Variants in SYNE1 observed in about 807,000 individuals in gnomAD.
SYNE1 encodes nesprin-1.
In SYNE1, 616 loss-of-function variants were observed where a neutral mutation model predicts 1,111.0. The ratio of observed to expected loss-of-function variants is 0.55; its 90% CI spans 0.52 to 0.59. The LOEUF (loss-of-function observed/expected upper bound fraction) is 0.59. Among genes scored for constraint, SYNE1 ranks in the 20% least tolerant of loss-of-function variants. The pLI is 0.00. For synonymous variants in SYNE1, 3,855 were observed against 3,825.8 expected (o/e 1.01, Z -0.28); for missense variants, 10,006 against 10,417.0 (o/e 0.96, Z 1.72).
chr6:152,325,557 A>G (rs2096043062), intron 80 of SYNE1, among the ~76,000 whole-genome samples: 1 of 152,152 alleles, frequency 6.6e-6, no homozygotes. Flanking sequence ...TTGAGATGAC[A>G]TTTTTTTCAT....
At chr6:152,465,121 G>T in intron 18 of SYNE1, 137 bp downstream of exon 18, 1 of 928,572 alleles carries the variant, frequency 1.1e-6, no homozygotes. Flanking sequence ...TAACCTGAAA[G>T]TGCAACTTTT....
chr6:152,585,664 A>C (rs2099535640), intron 3 of SYNE1, among the ~76,000 whole-genome samples: 1 of 152,156 alleles, frequency 6.6e-6, no homozygotes, highest in South Asian at 2.1e-4. Context: ...TGAAATGTAC[A>C]AATCAGTTTC....
chr6:152,626,306 T>C (rs2099685613), intron 3 of SYNE1, among the ~76,000 whole-genome samples: 1 of 152,188 alleles, frequency 6.6e-6, no homozygotes, highest in Non-Finnish European at 1.5e-5. Flanking sequence ...CCAGAGAATG[T>C]TCACATCTAA....
Position 152,369,402 on chromosome 6 carries a change from A to G in SYNE1, c.9651+69T>C. 3.1e-6 allele frequency: 5 copies of G among 1,608,116 alleles called. No individual in the cohort carries two copies. In the South Asian group the frequency reaches 5.5e-5, roughly 18 times the overall value. ...TCTAACTCAAGGGTGCTGAGCATGC[A>G]TCTGTAAGGTCGACAGAGGACGGAC... On this transcript the variant is annotated intron_variant, in intron 60 of 145. Coordinates refer to ENST00000367255, the MANE Select transcript of SYNE1 (RefSeq NM_182961.4).
chr6:152,466,318 A>G (rs906859905), intron 16 of SYNE1, among the ~76,000 whole-genome samples: 1 of 152,212 alleles, frequency 6.6e-6, no homozygotes, highest in Non-Finnish European at 1.5e-5. Flanking sequence ...CTATTTCTTC[A>G]CCAACCAAGG....
Position 152,350,784 on chromosome 6 carries a change from GA to G in SYNE1, c.11581-15del, listed in dbSNP as rs5880967. The G allele has an allele frequency of 2.5e-6, 4 of 1,574,284 alleles. No individual in the cohort carries two copies. Among genetic ancestry groups the G allele is most frequent in the Non-Finnish European group, 2.6e-6 (3 of 1,150,034 alleles). On this transcript the variant is annotated splice_polypyrimidine_tract_variant and intron_variant, in intron 70 of 145. Coordinates refer to ENST00000367255, the MANE Select transcript of SYNE1 (RefSeq NM_182961.4). ...TTGTTGAAGTGACTTGAATTACAAA[GA>G]AAAAAAAATGAGCCTGCTCATCTCC... is the stretch of plus-strand genomic sequence containing the variant.
intron 9 of SYNE1, among the ~76,000 whole-genome samples, chr6:152,503,362 A>T (rs1460678557): frequency 6.6e-6 from 1 of 151,978 alleles, no homozygotes; most frequent in Non-Finnish European, 1.5e-5. Context: ...TTCGAGGGAA[A>T]CTCTTCGAGG....
chr6:152,160,975 G>A (rs2062366192), intron 131 of SYNE1, among the ~76,000 whole-genome samples: 1 of 151,622 alleles, frequency 6.6e-6, no homozygotes, highest in Admixed American at 6.6e-5. Flanking sequence ...TGTGTAATGT[G>A]TGTACACATA....
At chr6:152,564,655 A>G (rs1266478749) in intron 3 of SYNE1, among the ~76,000 whole-genome samples, 1 of 152,072 alleles carries the variant, frequency 6.6e-6, no homozygotes, top group Non-Finnish European at 1.5e-5. Flanking sequence ...TTAACCCCCA[A>G]AAGTTTGCTT....
At chr6:152,257,111 C>T (rs748108618) in intron 101 of SYNE1, among the ~76,000 whole-genome samples, 4 of 151,986 alleles carry the variant, frequency 2.6e-5, no homozygotes, top group East Asian at 1.9e-4. Context: ...ATGTCTCTAC[C>T]GCAAAGAAGT....
chr6:152,631,729 G>A (rs547023150), intron 2 of SYNE1, among the ~76,000 whole-genome samples: 1 of 152,240 alleles, frequency 6.6e-6, no homozygotes, highest in East Asian at 1.9e-4. Context: ...CCCAGGGGTG[G>A]AGGTGGGTAT....
At chr6:152,356,286 A>G (rs894063470) in intron 66 of SYNE1, among the ~76,000 whole-genome samples, 12 of 151,798 alleles carry the variant, frequency 7.9e-5, no homozygotes, top group African/African-American at 1.2e-4. Context: ...GTGGCCCTGG[A>G]CAGTAGTTGA....
chr6:152,225,719 A>G lies in SYNE1; in HGVS notation c.21351+2T>C. On this transcript the variant is annotated splice_donor_variant, in intron 116 of 145. Coordinates refer to ENST00000367255, the MANE Select transcript of SYNE1 (RefSeq NM_182961.4). LOFTEE classifies it high-confidence loss of function. Reference sequence around the variant, plus strand: ...GAGCTGGCTTTCTGTGAGCAATATTACCATGTGATCTAAATTTGCCCAGGT... The same window carrying G: ...GAGCTGGCTTTCTGTGAGCAATATTGCCATGTGATCTAAATTTGCCCAGGT... The G allele has an allele frequency of 6.2e-7, 1 of 1,614,110 alleles. No homozygotes were observed. Among genetic ancestry groups the G allele is most frequent in the Non-Finnish European group, 8.5e-7 (1 of 1,180,000 alleles).
At chr6:152,193,671 A>C (rs183236877) in intron 127 of SYNE1, among the ~76,000 whole-genome samples, 2 of 152,190 alleles carry the variant, frequency 1.3e-5, no homozygotes, top group Non-Finnish European at 2.9e-5. Flanking sequence ...GAAAAGTTGT[A>C]GTTATTATTT....
chr6:152,391,166 A>G, intron 52 of SYNE1, 111 bp downstream of exon 52: 2 of 1,535,560 alleles, frequency 1.3e-6, no homozygotes, highest in Non-Finnish European at 1.8e-6. Context: ...TTTTGCCCAC[A>G]CAATCCTCAT....
At chr6:152,234,398 G>A (rs112686139) in intron 111 of SYNE1, among the ~76,000 whole-genome samples, 4 of 152,182 alleles carry the variant, frequency 2.6e-5, no homozygotes, top group South Asian at 2.1e-4. Context: ...GGGTTCAAGC[G>A]ATTCTCCTGC....
intron 33 of SYNE1, chr6:152,434,257 A>G (rs2098454073): frequency 3.1e-6 from 1 of 318,134 alleles, no homozygotes; most frequent in Admixed American, 4.7e-5. Context: ...GCATGTGACC[A>G]GTTGTTGCCA....
chr6:152,393,986 C>A (rs563611161), intron 51 of SYNE1, among the ~76,000 whole-genome samples: 45 of 152,294 alleles, frequency 3.0e-4, no homozygotes, highest in African/African-American at 9.1e-4. Context: ...AAGCCCCCAT[C>A]CCCTGACAGG....
intron 3 of SYNE1, among the ~76,000 whole-genome samples, chr6:152,608,671 C>A (rs1271439985): frequency 6.6e-6 from 1 of 152,182 alleles, no homozygotes; most frequent in African/African-American, 2.4e-5. Flanking sequence ...CACAGTGGCT[C>A]ACGCCTATAA....
Sources: allele counts gnomAD v4.1 joint callset (sites outside exome capture counted in the v4.1 genomes callset), GRCh38; gene constraint gnomAD v4.1.1; transcripts MANE v1.5; gene names NCBI Gene and HGNC (gene_info 2026-07-23, HGNC 2026-07-21).